Variants in OR2T12 observed in about 807,000 individuals in gnomAD.
The protein encoded by OR2T12 is olfactory receptor 2T12.
For missense variants in OR2T12, 335 were observed against 404.3 expected, an observed-to-expected ratio of 0.83 and a Z score of 1.47; for synonymous variants, 127 against 160.5, an observed-to-expected ratio of 0.79 and a Z score of 1.58.
At chr1:248,295,725 G>C (rs1201330355) in intron 2 of OR2T12, 139 bp from the exon 3 acceptor site, 4 of 1,143,526 alleles carry the variant, frequency 3.5e-6, no homozygotes, top group African/African-American at 1.6e-5. Flanking sequence ...ACTCCCAGTA[G>C]GCACAGCTTT....
At chr1:248,302,189 C>A (rs141748809) in intron 1 of OR2T12, among the ~76,000 whole-genome samples, 1 of 152,136 alleles carries the variant, frequency 6.6e-6, no homozygotes, top group Non-Finnish European at 1.5e-5. Flanking sequence ...CAACAAATCT[C>A]TCATATTGGC....
chr1:248,295,573 C>G lies in OR2T12; in HGVS notation c.6G>C (p.Glu2Asp). ...TAAAATCTGGGGTAGTATTTCTCAT[C>G]TCCATAATTTCCCCTGGTGTGATGG... MEMRNTTPDFIL... is the reference protein window; with the variant it reads MDMRNTTPDFIL... The change falls in exon 3 of 3, where the codon GAG (glutamate) becomes GAC (aspartate). Residue 2 changes from glutamate to aspartate, a missense_variant. Transcript: ENST00000641276. 1 of 1,568,826 alleles carries G rather than the reference C, an allele frequency of 6.4e-7. No individual in the cohort carries two copies. Among genetic ancestry groups the G allele is most frequent in the Non-Finnish European group, 8.7e-7 (1 of 1,155,932 alleles).
At position 248,294,643 on chromosome 1, in the gene OR2T12, C is replaced by A; in HGVS notation, c.936G>T (p.Gln312His). The A allele has an allele frequency of 1.2e-6, 2 of 1,613,984 alleles. No individual in the cohort carries two copies. Among genetic ancestry groups the A allele is most frequent in the African/African-American group, 2.7e-5 (2 of 74,998 alleles). Residue 312 changes from glutamine (Q) to histidine (H), a missense_variant, in exon 3 of 3, where the codon CAG becomes CAT. Gln to His is a conservative substitution (Grantham distance 24, BLOSUM62 0). Coordinates refer to ENST00000641276, the MANE Select transcript of OR2T12 (RefSeq NM_001004692.2). ...WLGTCVNLKH[Q>H]QNEAHRSR The stretch of plus-strand genomic sequence containing the variant: ...ATCTTGACCTGTGGGCCTCATTTTG[C>A]TGGTGTTTTAGGTTTACACACGTCC...
chr1:248,294,919 G>A lies in OR2T12; in HGVS notation c.660C>T (p.Leu220=), dbSNP rs1473316901. 6 of 1,611,868 alleles carry A rather than the reference G, an allele frequency of 3.7e-6. No homozygotes were observed. The highest frequency in any genetic ancestry group is 1.1e-5 in the South Asian group (1 of 90,986). The stretch of plus-strand genomic sequence containing the variant: ...TAGAGCGCATGAGCAGAACAGCAGC[G>A]AGGATGAGACCATAGGAGGACAGGA... ...SLILSSYGLI[L]AAVLLMRSTE... is the part of the protein sequence containing the mutation. Residue 220 remains leucine, a synonymous_variant, in exon 3 of 3, where the codon CTC becomes CTT. Transcript: ENST00000641276.
chr1:248,290,423 T>A lies in OR2T12; in HGVS notation c.*4193A>T, dbSNP rs1463788834. On this transcript the variant is annotated 3_prime_UTR_variant, in exon 3 of 3. Transcript: ENST00000641276. ...CTTTCCAATGGCTGTATAGTATTTG[T>A]GGTGTATATGTGCCACAGCTACTTT... 6.6e-6 allele frequency: 1 copy of A among 152,206 alleles called. No individual in the cohort carries two copies. Among genetic ancestry groups the A allele is most frequent in the East Asian group, 1.9e-4 (1 of 5,202 alleles). The allele number at this position is 152,206 out of a possible 1,614,324, so 9.4% of individuals were successfully genotyped here.
chr1:248,294,930 C>A lies in OR2T12; in HGVS notation c.649G>T (p.Gly217Cys), dbSNP rs765022249. ...AGCAGAACAGCAGCGAGGATGAGAC[C>A]ATAGGAGGACAGGATGAGGGAAAAG... ...VPFSLILSSYGLILAAVLLMR... is the reference protein window; with the variant it reads ...VPFSLILSSYCLILAAVLLMR... Residue 217 changes from glycine (G) to cysteine (C), a missense_variant, in exon 3 of 3, where the codon GGT becomes TGT. Gly to Cys is a radical substitution (Grantham distance 159, BLOSUM62 -3). Transcript: ENST00000641276. 4.6e-5 allele frequency: 74 copies of A among 1,611,618 alleles called. 3 individuals are homozygous for A. In the South Asian group the frequency reaches 8.1e-4, roughly 18 times the overall value.
chr1:248,294,417 G>A lies in OR2T12; in HGVS notation c.*199C>T, dbSNP rs1476498700. ...TTGTAGGATACAAAGTAATCTATAG[G>A]TATTACTTCACTTGAAGAAAAGTAC... On this transcript the variant is annotated 3_prime_UTR_variant, in exon 3 of 3. Coordinates refer to ENST00000641276, the MANE Select transcript of OR2T12 (RefSeq NM_001004692.2). The A allele has an allele frequency of 9.7e-6, 6 of 618,198 alleles. No individual in the cohort carries two copies. Among genetic ancestry groups the A allele is most frequent in the African/African-American group, 3.7e-5 (2 of 54,288 alleles). 38.3% of individuals were successfully genotyped at this position (618,198 alleles called of 1,614,324 possible).
At chr1:248,296,202 G>T (rs1572831159) in intron 2 of OR2T12, among the ~76,000 whole-genome samples, 1 of 152,120 alleles carries the variant, frequency 6.6e-6, no homozygotes, top group East Asian at 1.9e-4. Flanking sequence ...TTTTATGGCT[G>T]CATAGTATTC....
At chr1:248,299,808 A>G (rs1659789491) in intron 2 of OR2T12, among the ~76,000 whole-genome samples, 2 of 152,188 alleles carry the variant, frequency 1.3e-5, no homozygotes, top group African/African-American at 2.4e-5. Flanking sequence ...CCGCAAATCT[A>G]AAAGAACAGA....
chr1:248,295,302 C>G lies in OR2T12; in HGVS notation c.277G>C (p.Ala93Pro), dbSNP rs143080755. The change falls in exon 3 of 3, where the codon GCT becomes CCT. Residue 93 changes from alanine (A) to proline (P), a missense_variant. Coordinates refer to ENST00000641276, the MANE Select transcript of OR2T12 (RefSeq NM_001004692.2). Reference protein sequence around the residue: ...YLTGNKAISRAGCGVQIFFLP... With the variant: ...YLTGNKAISRPGCGVQIFFLP... Reference sequence around the variant, plus strand: ...AAGAAGATCTGCACACCACAGCCAGCGCGGGAGATGGCCTTATTTCCGGTC... The same window carrying G: ...AAGAAGATCTGCACACCACAGCCAGGGCGGGAGATGGCCTTATTTCCGGTC... 2 of 1,608,788 alleles carry G rather than the reference C, an allele frequency of 1.2e-6. No individual in the cohort carries two copies. Among genetic ancestry groups the G allele is most frequent in the Non-Finnish European group, 8.5e-7 (1 of 1,178,076 alleles).
intron 2 of OR2T12, among the ~76,000 whole-genome samples, chr1:248,298,263 T>C (rs1421808108): frequency 6.6e-6 from 1 of 152,208 alleles, no homozygotes; most frequent in African/African-American, 2.4e-5. Flanking sequence ...CAGTATTTTA[T>C]TGAGGATTTT....
chr1:248,297,516 C>G (rs565123814), intron 2 of OR2T12, among the ~76,000 whole-genome samples: 4 of 152,230 alleles, frequency 2.6e-5, no homozygotes, highest in Admixed American at 2.0e-4. Context: ...TGTTTGTAAC[C>G]TCTTTTATTT....
chr1:248,290,691 C>T lies in OR2T12; in HGVS notation c.*3925G>A, dbSNP rs980072877. The T allele has an allele frequency of 1.4e-4, 21 of 152,236 alleles. No homozygotes were observed. The highest frequency in any genetic ancestry group is 8.3e-4 in the South Asian group (4 of 4,822). The allele number at this position is 152,236 out of a possible 1,614,324, so 9.4% of individuals were successfully genotyped here. On this transcript the variant is annotated 3_prime_UTR_variant, in exon 3 of 3. Transcript: ENST00000641276. ...CACTCCCAAAACAACATGGTAAAAG[C>T]GTTGCTATTTCTCCGCATACGTGCC...
chr1:248,295,475 G>A lies in OR2T12; in HGVS notation c.104C>T (p.Thr35Ile), dbSNP rs749730602. The stretch of plus-strand genomic sequence containing the variant: ...CATGAGGGCATTGCTAAACAGGGAG[G>A]TCAAAACGGTGGCCAGAAGCATCAT... ...LFMMLLATVL[T>I]SLFSNALMIL... Residue 35 changes from threonine (T) to isoleucine (I), a missense_variant, in exon 3 of 3, where the codon ACC becomes ATC. By Grantham distance (89) the Thr-to-Ile change is moderately conservative. Transcript: ENST00000641276. 2 of 1,612,928 alleles carry A rather than the reference G, an allele frequency of 1.2e-6. No individual in the cohort carries two copies. Among genetic ancestry groups the A allele is most frequent in the Admixed American group, 1.7e-5 (1 of 59,950 alleles).
chr1:248,301,891 T>A (rs1459563868), intron 1 of OR2T12, among the ~76,000 whole-genome samples: 1 of 152,068 alleles, frequency 6.6e-6, no homozygotes, highest in Non-Finnish European at 1.5e-5. Flanking sequence ...CACAAAATTC[T>A]TGAAAATCAT....
At position 248,292,511 on chromosome 1, in the gene OR2T12, T is replaced by TG. The variant is rs1362284332; in HGVS notation, c.*2104dup. 1 of 152,098 alleles carries TG rather than the reference T, an allele frequency of 6.6e-6. No homozygotes were observed. The highest frequency in any genetic ancestry group is 1.5e-5 in the Non-Finnish European group (1 of 67,966). 9.4% of individuals were successfully genotyped at this position (152,098 alleles called of 1,614,324 possible). A position where few individuals can be genotyped will look rare whatever the true frequency, so the allele number is the denominator to read the frequency against. ...AGTTAACCTGTCATTTTGAAGATTT[T>TG]GAAGATTTTCTATGCAAACCTTTAT... On this transcript the variant is annotated 3_prime_UTR_variant, in exon 3 of 3. Coordinates refer to ENST00000641276, the MANE Select transcript of OR2T12 (RefSeq NM_001004692.2).
chr1:248,300,317 ATCATTTTTG>A (rs1659797032), intron 2 of OR2T12, among the ~76,000 whole-genome samples: 1 of 152,150 alleles, frequency 6.6e-6, no homozygotes, highest in South Asian at 2.1e-4. Flanking sequence ...TAGTAGGCAA[ATCATTTTTG>A]TCAATCATCA....
chr1:248,303,169 CCTT>C (rs1267507626), intron 1 of OR2T12, among the ~76,000 whole-genome samples, 174 bp downstream of exon 1: 1 of 152,116 alleles, frequency 6.6e-6, no homozygotes, highest in African/African-American at 2.4e-5. Context: ...GGTAACCACT[CCTT>C]CTGCTTCAGG....
chr1:248,299,276 G>A (rs1013822680), intron 2 of OR2T12, among the ~76,000 whole-genome samples: 5 of 152,192 alleles, frequency 3.3e-5, no homozygotes, highest in African/African-American at 9.7e-5. Context: ...TCAGTGTGCT[G>A]TGTTCAGGAA....
Sources: gnomAD v4.1 joint callset for allele counts (sites outside exome capture counted in the v4.1 genomes callset) on GRCh38, gnomAD v4.1.1 for gene constraint, MANE v1.5 for transcripts, NCBI Gene and HGNC (gene_info 2026-07-23, HGNC 2026-07-21) for gene names.